Variants in WASHC5 observed in about 807,000 individuals in gnomAD.
WASHC5 encodes the protein WASH complex subunit strumpellin.
Under a neutral mutation model 150.4 loss-of-function variants are expected in WASHC5, and 101 were observed. The ratio of observed to expected loss-of-function variants is 0.67; its 90% CI spans 0.57 to 0.79. WASHC5 has a LOEUF of 0.79. WASHC5 is among the 30% of genes least tolerant of loss of function. WASHC5 has a pLI of 0.00. For synonymous variants in WASHC5, 467 were observed against 491.2 expected (o/e 0.95, Z 0.65); for missense variants, 1,195 against 1,396.3 (o/e 0.86, Z 2.30).
At chr8:125,075,542 G>A (rs78951596) in intron 7 of WASHC5, among the ~76,000 whole-genome samples, 4,543 of 152,108 alleles carry the variant, frequency 0.03, 133 homozygotes, top group South Asian at 0.16. Context: ...ATAGTATCAT[G>A]GTCAAAACTT....
At position 125,081,724 on chromosome 8, in the gene WASHC5, A is replaced by G. The variant is rs865804623; in HGVS notation, c.455T>C (p.Val152Ala). 1.2e-6 allele frequency: 2 copies of G among 1,612,768 alleles called. No homozygotes were observed. Among genetic ancestry groups the G allele is most frequent in the East Asian group, 4.5e-5 (2 of 44,874 alleles). Residue 152 changes from valine to alanine, a missense_variant, in exon 5 of 29, where the codon GTC becomes GCC. By Grantham distance (64) the Val-to-Ala change is moderately conservative (BLOSUM62 0). Coordinates refer to ENST00000318410, the MANE Select transcript of WASHC5 (RefSeq NM_014846.4). The part of the protein sequence containing the change: ...ALYLYGVMLL[V>A]IDQKIEGEVR... ...TTCTCCTTCAATCTTTTGGTCAATG[A>G]CCAGTAGCATAACTCCATATAAGTA... is the stretch of plus-strand genomic sequence containing the variant.
Position 125,084,022 on chromosome 8 carries a change from C to A in WASHC5, c.-124G>T, listed in dbSNP as rs1165715838. On this transcript the variant is annotated splice_region_variant and 5_prime_UTR_variant, in exon 2 of 29. Coordinates refer to ENST00000318410, the MANE Select transcript of WASHC5 (RefSeq NM_014846.4). ...AGAGATTGGCTCCTCCATTAAAGAA[C>A]CTGTATCCCCAAAAAAAGTGTGAAA... The A allele has an allele frequency of 3.0e-5, 26 of 868,202 alleles. No individual in the cohort carries two copies. The highest frequency in any genetic ancestry group is 3.9e-5 in the Non-Finnish European group (21 of 536,798). The allele number at this position is 868,202 out of a possible 1,614,324, so 53.8% of individuals were successfully genotyped here. A position where few individuals can be genotyped will look rare whatever the true frequency, so the allele number is the denominator to read the frequency against.
intron 17 of WASHC5, 85 bp downstream of exon 17, chr8:125,055,506 C>T (rs1382190675): frequency 2.5e-6 from 2 of 815,376 alleles, no homozygotes; most frequent in Admixed American, 1.7e-5. Context: ...GATGTCACTC[C>T]CTTTTGCACA....
chr8:125,024,605 T>A lies in WASHC5; in HGVS notation c.*12A>T, dbSNP rs748065422. 1.9e-6 allele frequency: 3 copies of A among 1,589,598 alleles called. No individual in the cohort carries two copies. In the Admixed American group the frequency reaches 5.0e-5, roughly 27 times the overall value. On this transcript the variant is annotated 3_prime_UTR_variant, in exon 29 of 29. Coordinates refer to ENST00000318410, the MANE Select transcript of WASHC5 (RefSeq NM_014846.4). ...AAGGACAATCCTTCCATTGAAGAAG[T>A]AGGAAAAACAGTTACAGCACTGTTC...
rs1816101239 is a variant in WASHC5, at chr8:125,047,423, TAAAG to T, written c.2380-96_2380-93del. The T allele has an allele frequency of 4.7e-6, 6 of 1,286,300 alleles. No individual in the cohort carries two copies. In the South Asian group the frequency reaches 7.3e-5, roughly 16 times the overall value. The allele number at this position is 1,286,300 out of a possible 1,614,324, so 79.7% of individuals were successfully genotyped here. A position where few individuals can be genotyped will look rare whatever the true frequency, so the allele number is the denominator to read the frequency against. On this transcript the variant is annotated intron_variant, in intron 19 of 28. Transcript: ENST00000318410. ...ATAATTTTACAAAGATAATATTGCA[TAAAG>T]AGTGACAATAAAGGTTGTTTTTTTT... is the stretch of plus-strand genomic sequence containing the variant.
chr8:125,047,073 G>T (rs1170127102), intron 20 of WASHC5, 134 bp downstream of exon 20: 3 of 1,075,326 alleles, frequency 2.8e-6, no homozygotes, highest in East Asian at 2.4e-5. Flanking sequence ...AGGGACCCTT[G>T]CCCTAAAGGG....
Position 125,028,641 on chromosome 8 carries a change from C to T in WASHC5, c.3402G>A (p.Arg1134=), listed in dbSNP as rs1253918841. The change falls in exon 28 of 29, where the codon CGG becomes CGA. Residue 1134 remains arginine, a synonymous_variant. Coordinates refer to ENST00000318410, the MANE Select transcript of WASHC5 (RefSeq NM_014846.4). ...TTACCCTCCTGGGTAGCTTTGTGTA[C>T]CGAACATAATCCTCCAGGAACAGAA... ...GALLFLEDYV[R]YTKLPRRVAE... 1 of 1,612,688 alleles carries T rather than the reference C, an allele frequency of 6.2e-7. No individual in the cohort carries two copies. Among genetic ancestry groups the T allele is most frequent in the Non-Finnish European group, 8.5e-7 (1 of 1,178,886 alleles).
intron 10 of WASHC5, among the ~76,000 whole-genome samples, chr8:125,067,262 C>A (rs1030966002): frequency 2.0e-5 from 3 of 152,180 alleles, no homozygotes; most frequent in African/African-American, 7.2e-5. Flanking sequence ...AGGTGATCTG[C>A]CCACGTGGGC....
At position 125,057,592 on chromosome 8, in the gene WASHC5, C is replaced by G. The variant is rs759411520; in HGVS notation, c.1839G>C (p.Gln613His). 2 of 1,613,610 alleles carry G rather than the reference C, an allele frequency of 1.2e-6. No homozygotes were observed. Among genetic ancestry groups the G allele is most frequent in the South Asian group, 2.2e-5 (2 of 91,006 alleles). ...AGGATACCAACTCTCCAGAATAGTACTGTGACACGCTGAGCAGGTCGGGGC... is the reference window on the plus strand; with the variant it reads ...AGGATACCAACTCTCCAGAATAGTAGTGTGACACGCTGAGCAGGTCGGGGC... ...ANSPDLLSVS[Q>H]YYSGELVSYV... Residue 613 changes from glutamine (Q) to histidine (H), a missense_variant, in exon 15 of 29, where the codon CAG becomes CAC. By Grantham distance (24) the Gln-to-His change is conservative. Coordinates refer to ENST00000318410, the MANE Select transcript of WASHC5 (RefSeq NM_014846.4).
Position 125,037,410 on chromosome 8 carries a change from A to C in WASHC5, c.3085-77T>G, listed in dbSNP as rs1001440571. 7.5e-6 allele frequency: 7 copies of C among 928,380 alleles called. No individual in the cohort carries two copies. The African/African-American group carries it at 9.8e-5, about 13-fold the overall frequency. 57.5% of individuals were successfully genotyped at this position (928,380 alleles called of 1,614,324 possible). ...CCACAGAACAGGTTTCCAAATGAAA[A>C]TCTTCCATTTTACTTCAATTTGCTC... On this transcript the variant is annotated intron_variant, in intron 25 of 28. Coordinates refer to ENST00000318410, the MANE Select transcript of WASHC5 (RefSeq NM_014846.4).
At chr8:125,057,222 C>T (rs1157323461) in intron 15 of WASHC5, among the ~76,000 whole-genome samples, 1 of 152,140 alleles carries the variant, frequency 6.6e-6, no homozygotes, top group African/African-American at 2.4e-5. Context: ...GGGCTCTGAC[C>T]GGGAGATGCT....
At chr8:125,055,478 A>C in intron 17 of WASHC5, 113 bp downstream of exon 17, 1 of 769,080 alleles carries the variant, frequency 1.3e-6, no homozygotes, top group African/African-American at 1.7e-5. Flanking sequence ...CCGAAATTGG[A>C]ATGTCAAACA....
At chr8:125,052,637 CACAT>C (rs1194586902) in intron 17 of WASHC5, among the ~76,000 whole-genome samples, 2 of 151,312 alleles carry the variant, frequency 1.3e-5, no homozygotes, top group African/African-American at 4.9e-5. Context: ...CACACACACA[CACAT>C]ACATACATGT....
At chr8:125,057,762 T>C (rs1011415626) in intron 14 of WASHC5, 96 bp from the exon 15 acceptor site, 1 of 798,468 alleles carries the variant, frequency 1.3e-6, no homozygotes, top group Non-Finnish European at 2.0e-6. Context: ...AACATTTGGG[T>C]TTTACCCAAC....
At chr8:125,063,923 C>T (rs1351926945) in intron 10 of WASHC5, among the ~76,000 whole-genome samples, 3 of 152,098 alleles carry the variant, frequency 2.0e-5, no homozygotes, top group African/African-American at 7.2e-5. Flanking sequence ...TCTCAAGGCC[C>T]ACCCCCAAAG....
At chr8:125,082,591 G>A (rs1179402028) in intron 3 of WASHC5, 124 bp from the exon 4 acceptor site, 1 of 679,504 alleles carries the variant, frequency 1.5e-6, no homozygotes, top group East Asian at 2.7e-5. Context: ...CTAGTTCATG[G>A]TCCTTCATGC....
chr8:125,079,019 TG>T, intron 5 of WASHC5, 89 bp from the exon 6 acceptor site: 1 of 1,082,548 alleles, frequency 9.2e-7, no homozygotes, highest in Non-Finnish European at 1.4e-6. Context: ...CATTCTACTT[TG>T]ACTCAATATA....
At chr8:125,065,364 T>C (rs555940085) in intron 10 of WASHC5, among the ~76,000 whole-genome samples, 1 of 152,224 alleles carries the variant, frequency 6.6e-6, no homozygotes, top group East Asian at 1.9e-4. Context: ...CCTGAAGACC[T>C]CTAATGAGGT....
chr8:125,049,938 G>A (rs1816190133), intron 18 of WASHC5, among the ~76,000 whole-genome samples: 1 of 151,534 alleles, frequency 6.6e-6, no homozygotes, highest in Non-Finnish European at 1.5e-5. Flanking sequence ...ACTTCATCTA[G>A]GATGACTGAC....
Sources: allele counts gnomAD v4.1 joint callset (sites outside exome capture counted in the v4.1 genomes callset), GRCh38; gene constraint gnomAD v4.1.1; transcripts MANE v1.5; gene names NCBI Gene and HGNC (gene_info 2026-07-23, HGNC 2026-07-21).